PFAS: variants seen among roughly 807,000 people sequenced by gnomAD.
The protein encoded by PFAS is FGAM synthase.
Under a neutral mutation model 140.6 loss-of-function variants are expected in PFAS, and 97 were observed. The ratio of observed to expected loss-of-function variants is 0.69; its 90% CI spans 0.59 to 0.82. The LOEUF is 0.82. PFAS is among the 40% of genes least tolerant of loss of function. The pLI, the probability that PFAS is intolerant of heterozygous loss-of-function variation, is 0.00. For missense variants in PFAS, 1,656 were observed against 1,780.2 expected (o/e 0.93, Z 1.26); for synonymous variants, 679 against 718.8 (o/e 0.94, Z 0.88).
intron 12 of PFAS, 32 bp from the exon 13 acceptor site, chr17:8,263,077 G>A (rs373767349): frequency 9.7e-5 from 156 of 1,612,886 alleles, no homozygotes; most frequent in Non-Finnish European, 1.2e-4. Context: ...TTCCAGTCTC[G>A]CTGAGCTGAG....
Position 8,264,942 on chromosome 17 carries a change from G to T in PFAS, c.2097G>T (p.Gly699=), listed in dbSNP as rs755998956. 6.2e-7 allele frequency: 1 copy of T among 1,608,678 alleles called. No individual in the cohort carries two copies. The highest frequency in any genetic ancestry group is 1.1e-5 in the South Asian group (1 of 90,478). ...GGLVAQQQCV[G]PLQTPLADVA... is the part of the protein sequence containing the mutation. ...TGGTGGCCCAGCAGCAGTGCGTGGGGCCCCTGCAAACTCCTCTGGCAGATG... is the reference window on the plus strand; with the variant it reads ...TGGTGGCCCAGCAGCAGTGCGTGGGTCCCCTGCAAACTCCTCTGGCAGATG... Residue 699 remains glycine (G), a synonymous_variant, in exon 18 of 28, where the codon GGG becomes GGT. Coordinates refer to ENST00000314666, the MANE Select transcript of PFAS (RefSeq NM_012393.3).
At chr17:8,254,356 T>C in intron 3 of PFAS, 55 bp downstream of exon 3, 1 of 1,599,580 alleles carries the variant, frequency 6.3e-7, no homozygotes, top group African/African-American at 1.3e-5. Context: ...CTTCCTCTTG[T>C]GATCCTTGGG....
intron 1 of PFAS, among the ~76,000 whole-genome samples, chr17:8,250,267 A>G (rs1032152915): frequency 4.6e-5 from 7 of 152,202 alleles, no homozygotes; most frequent in African/African-American, 1.7e-4. Context: ...AATTTATACC[A>G]TGTGTAATGG....
At chr17:8,258,775 A>T (rs1403812369) in intron 11 of PFAS, among the ~76,000 whole-genome samples, 1 of 152,100 alleles carries the variant, frequency 6.6e-6, no homozygotes, top group Non-Finnish European at 1.5e-5. Context: ...TCACGAGGTC[A>T]GGAGATCGAG....
chr17:8,256,239 C>T, intron 6 of PFAS, 28 bp from the exon 7 acceptor site: 1 of 1,609,342 alleles, frequency 6.2e-7, no homozygotes, highest in Non-Finnish European at 8.5e-7. Flanking sequence ...TTCCACCTGC[C>T]TTCCCCTCCC....
chr17:8,256,443 G>A (rs745982343), intron 7 of PFAS, 36 bp downstream of exon 7: 36 of 1,613,610 alleles, frequency 2.2e-5, no homozygotes, highest in East Asian at 1.8e-4. Context: ...GTCAGGACCC[G>A]GGGAGGGGAG....
At chr17:8,247,801 G>A, upstream of PFAS, 1 of 608,098 alleles carries the variant, frequency 1.6e-6, no homozygotes, top group Non-Finnish European at 3.0e-6. Flanking sequence ...CCAGTTTAAG[G>A]CTCACAGCGG....
Position 8,255,908 on chromosome 17 carries a change from T to C in PFAS, c.678T>C (p.Asn226=), listed in dbSNP as rs751904043. Residue 226 remains asparagine, a splice_region_variant and synonymous_variant, in exon 6 of 28, where the codon AAT becomes AAC. Coordinates refer to ENST00000314666, the MANE Select transcript of PFAS (RefSeq NM_012393.3). ...AGGCCTTTGACTTGGCGCAGTCCAATAGGTGAGGAGAAATGGGGTTGTTCC... is the reference window on the plus strand; with the variant it reads ...AGGCCTTTGACTTGGCGCAGTCCAACAGGTGAGGAGAAATGGGGTTGTTCC... ...TVEAFDLAQS[N]SEHSRHWFFK... 12 of 1,609,586 alleles carry C rather than the reference T, an allele frequency of 7.5e-6. No homozygotes were observed. The highest frequency in any genetic ancestry group is 1.0e-5 in the Non-Finnish European group (12 of 1,175,902).
Position 8,269,378 on chromosome 17 carries a change from C to A in PFAS, c.*114C>A. The A allele has an allele frequency of 1.3e-6, 1 of 750,080 alleles. No individual in the cohort carries two copies. Among genetic ancestry groups the A allele is most frequent in the Non-Finnish European group, 2.2e-6 (1 of 462,092 alleles). The allele number at this position is 750,080 out of a possible 1,614,324, so 46.5% of individuals were successfully genotyped here. On this transcript the variant is annotated 3_prime_UTR_variant, in exon 28 of 28. Transcript: ENST00000314666. ...TATTTCCAAAAATATCTTGGACAGACAAGGACCAAAATGCCAAAATCTCAG... is the reference window on the plus strand; with the variant it reads ...TATTTCCAAAAATATCTTGGACAGAAAAGGACCAAAATGCCAAAATCTCAG...
In PFAS at chr17:8,268,852, G is replaced by T; in HGVS notation, c.3702G>T (p.Gly1234=). 1 of 1,609,732 alleles carries T rather than the reference G, an allele frequency of 6.2e-7. No individual in the cohort carries two copies. Residue 1234 remains glycine, a synonymous_variant, in exon 27 of 28, where the codon GGG becomes GGT. Transcript: ENST00000314666. ...GAVLPVWSAH[G]EGYVAFSSPE... is the part of the protein sequence containing the mutation. ...TGCTGCCCGTGTGGAGTGCGCACGG[G>T]GAAGGTCAGGCCCAAGGAAGGCTGG...
rs1989939075 is a variant in PFAS, at chr17:8,269,081, A to T, written c.3834A>T (p.Pro1278=). 6.2e-7 allele frequency: 1 copy of T among 1,614,158 alleles called. No individual in the cohort carries two copies. Among genetic ancestry groups the T allele is most frequent in the Non-Finnish European group, 8.5e-7 (1 of 1,180,006 alleles). The change falls in exon 28 of 28, where the codon CCA becomes CCT. Residue 1278 remains proline (P), a synonymous_variant. Transcript: ENST00000314666. ...EQYPLNPNGS[P]GGVAGICSCD... ...ACCCTCTGAATCCCAATGGGTCCCC[A>T]GGGGGCGTGGCTGGCATCTGCTCCT...
chr17:8,259,154 T>A (rs1989493481), intron 11 of PFAS, among the ~76,000 whole-genome samples: 1 of 151,488 alleles, frequency 6.6e-6, no homozygotes, highest in Non-Finnish European at 1.5e-5. Context: ...GTGGTAAATA[T>A]GAGATAATAT....
In PFAS at chr17:8,266,950, G is replaced by T; in HGVS notation, c.2967+52G>T. On this transcript the variant is annotated intron_variant, in intron 23 of 27. Transcript: ENST00000314666. The surrounding 1 kb of genome is among the most constrained non-coding windows in gnomAD (Gnocchi z 5.0). ...TGCAGTGGGCAGTCAGAGTGGGGTG[G>T]CCGCGGTCCATCCCTCTCCCACTGT... 6.3e-7 allele frequency: 1 copy of T among 1,599,656 alleles called. No homozygotes were observed.
intron 17 of PFAS, 64 bp from the exon 18 acceptor site, chr17:8,264,831 C>T: frequency 5.0e-6 from 6 of 1,198,896 alleles, no homozygotes; most frequent in Non-Finnish European, 7.0e-6. Context: ...GCCTTGGGGG[C>T]ATGTGCGGGA....
rs149690303 is a variant in PFAS, at chr17:8,253,602, C to T, written c.-79-257C>T. 5.5e-3 allele frequency among the ~76,000 whole-genome samples: 832 copies of T among 152,192 alleles called. 5 individuals are homozygous for T. The highest frequency in any genetic ancestry group is 9.1e-3 in the Non-Finnish European group (621 of 67,992). ...TTGCCCAGGCTGGAGTGCAATGGCG[C>T]GATCTCGGCTCACTGCAACCTCTGC... On this transcript the variant is annotated intron_variant, in intron 1 of 27. Transcript: ENST00000314666.
chr17:8,258,049 C>T (rs1989444405), intron 10 of PFAS, 22 bp from the exon 11 acceptor site: 7 of 1,613,858 alleles, frequency 4.3e-6, no homozygotes, highest in Non-Finnish European at 5.9e-6. Flanking sequence ...AGTGACAGGT[C>T]CCTCTGATGT....
At chr17:8,260,912 C>G (rs1323230323) in intron 11 of PFAS, among the ~76,000 whole-genome samples, 1 of 152,194 alleles carries the variant, frequency 6.6e-6, no homozygotes, top group African/African-American at 2.4e-5. Flanking sequence ...GCGTGAGCCA[C>G]CGCGCCCGGC....
rs776929901 is a variant in PFAS, at chr17:8,265,640, G to A, written c.2545+1G>A. On this transcript the variant is annotated splice_donor_variant, in intron 20 of 27. Coordinates refer to ENST00000314666, the MANE Select transcript of PFAS (RefSeq NM_012393.3). LOFTEE classifies it high-confidence loss of function. ...GACCTCAAGCATCCTGAAGGGAGAGGTATGGACATGGCCCCATCCTTTGTG... is the reference window on the plus strand; with the variant it reads ...GACCTCAAGCATCCTGAAGGGAGAGATATGGACATGGCCCCATCCTTTGTG... The A allele has an allele frequency of 1.2e-5, 20 of 1,611,184 alleles. No individual in the cohort carries two copies. The East Asian group carries it at 4.5e-4, about 36-fold the overall frequency.
chr17:8,263,351 C>T (rs1418783764), intron 13 of PFAS, 86 bp downstream of exon 13: 8 of 1,410,790 alleles, frequency 5.7e-6, no homozygotes, highest in African/African-American at 1.4e-5. Context: ...GAATCTCCAA[C>T]CAACCACCCA....
Sources: gnomAD v4.1 joint callset for allele counts (sites outside exome capture counted in the v4.1 genomes callset) on GRCh38, gnomAD v4.1.1 for gene constraint, Gnocchi (gnomAD v3.1) non-coding constraint, MANE v1.5 for transcripts, NCBI Gene and HGNC (gene_info 2026-07-23, HGNC 2026-07-21) for gene names.